KCTD8: variants seen among roughly 807,000 people sequenced by gnomAD.
KCTD8 encodes potassium channel tetramerization domain containing 8, also known as BTB/POZ domain-containing protein KCTD8.
In KCTD8, 27 loss-of-function variants were observed where a neutral mutation model predicts 31.5. The ratio of observed to expected loss-of-function variants is 0.86; its 90% CI spans 0.63 to 1.18. The LOEUF is 1.18. Ranked by LOEUF, KCTD8 falls within the 50% of genes most tolerant of loss-of-function variation. The pLI is 0.00. For missense variants in KCTD8, 658 were observed against 647.7 expected, an observed-to-expected ratio of 1.02 and a Z score of -0.17; for synonymous variants, 290 against 280.0, an observed-to-expected ratio of 1.04 and a Z score of -0.36.
At chr4:44,439,988 A>G (rs2109483696) in intron 1 of KCTD8, among the ~76,000 whole-genome samples, 1 of 151,756 alleles carries the variant, frequency 6.6e-6, no homozygotes, top group South Asian at 2.1e-4. Context: ...CTGGAGTGCA[A>G]CGGTGGGATC....
intron 1 of KCTD8, among the ~76,000 whole-genome samples, chr4:44,366,785 T>C (rs547512241): frequency 2.0e-5 from 3 of 152,156 alleles, no homozygotes; most frequent in African/African-American, 7.2e-5. Flanking sequence ...TTCCTCTTAC[T>C]ACCCTTCTGT....
At chr4:44,261,845 A>C (rs1038122067) in intron 1 of KCTD8, among the ~76,000 whole-genome samples, 1 of 152,064 alleles carries the variant, frequency 6.6e-6, no homozygotes, top group Non-Finnish European at 1.5e-5. Flanking sequence ...ATTGATTTGA[A>C]TGTGGTGACC....
intron 1 of KCTD8, among the ~76,000 whole-genome samples, chr4:44,380,454 C>T (rs1434739902): frequency 1.3e-5 from 2 of 150,848 alleles, no homozygotes; most frequent in Non-Finnish European, 3.0e-5. Flanking sequence ...AAAGGTTAAG[C>T]CCAAAGTAGG....
intron 1 of KCTD8, among the ~76,000 whole-genome samples, chr4:44,251,134 C>T (rs2109361404): frequency 6.6e-6 from 1 of 151,806 alleles, no homozygotes; most frequent in South Asian, 2.1e-4. Context: ...GCAACACTTA[C>T]TAGTCTTCCT....
At chr4:44,300,901 G>A (rs1372448817) in intron 1 of KCTD8, among the ~76,000 whole-genome samples, 13 of 128,106 alleles carry the variant, frequency 1.0e-4, no homozygotes, top group Non-Finnish European at 1.1e-4. Context: ...AGAGTGTGAT[G>A]TTCCCCTTCC....
At chr4:44,224,563 C>T (rs1213430844) in intron 1 of KCTD8, among the ~76,000 whole-genome samples, 1 of 152,038 alleles carries the variant, frequency 6.6e-6, no homozygotes, top group South Asian at 2.1e-4. Flanking sequence ...TAATTTCTCA[C>T]CTCAATGCCT....
At chr4:44,240,450 T>G (rs1715424138) in intron 1 of KCTD8, among the ~76,000 whole-genome samples, 2 of 152,208 alleles carry the variant, frequency 1.3e-5, no homozygotes, top group Non-Finnish European at 2.9e-5. Context: ...AATGTACATC[T>G]TTAATTCCAC....
chr4:44,264,681 C>T (rs973705020), intron 1 of KCTD8, among the ~76,000 whole-genome samples: 1 of 152,180 alleles, frequency 6.6e-6, no homozygotes, highest in African/African-American at 2.4e-5. Flanking sequence ...TCACTCCCCC[C>T]CGAATACTGC....
intron 1 of KCTD8, among the ~76,000 whole-genome samples, chr4:44,202,416 G>A (rs1237950540): frequency 6.6e-6 from 1 of 152,072 alleles, no homozygotes; most frequent in African/African-American, 2.4e-5. Context: ...TAAATAAGTA[G>A]TACATATACA....
intron 1 of KCTD8, among the ~76,000 whole-genome samples, chr4:44,224,678 CAGAT>C (rs1714901664): frequency 6.6e-6 from 1 of 152,192 alleles, no homozygotes; most frequent in Non-Finnish European, 1.5e-5. Flanking sequence ...GCTTCTAAAA[CAGAT>C]AATCTCTAAA....
chr4:44,191,396 ACAAGGGAAGATAAC>A (rs964086264), intron 1 of KCTD8, among the ~76,000 whole-genome samples: 1 of 152,198 alleles, frequency 6.6e-6, no homozygotes, highest in Non-Finnish European at 1.5e-5. Context: ...ATTTTAAGGA[ACAAGGGAAGATAAC>A]CATAAGGTCT....
At chr4:44,211,401 GT>G (rs1033466980) in intron 1 of KCTD8, among the ~76,000 whole-genome samples, 5 of 151,972 alleles carry the variant, frequency 3.3e-5, no homozygotes, top group African/African-American at 7.2e-5. Context: ...TCTGGTCTGG[GT>G]TTTTTTGTAT....
chr4:44,349,639 C>G (rs1237619199), intron 1 of KCTD8, among the ~76,000 whole-genome samples: 1 of 152,144 alleles, frequency 6.6e-6, no homozygotes, highest in Non-Finnish European at 1.5e-5. Context: ...GGTGCATTTC[C>G]ATGACTGCCA....
intron 1 of KCTD8, among the ~76,000 whole-genome samples, chr4:44,329,880 T>C (rs1340205941): frequency 6.6e-6 from 1 of 151,924 alleles, no homozygotes; most frequent in Non-Finnish European, 1.5e-5. Flanking sequence ...ATTTTAGCTA[T>C]AGTAGACAAC....
intron 1 of KCTD8, among the ~76,000 whole-genome samples, chr4:44,228,609 AT>A (rs1253915976): frequency 6.6e-6 from 1 of 152,134 alleles, no homozygotes; most frequent in African/African-American, 2.4e-5. Context: ...TGCTCTTTGC[AT>A]CTCTGGCTTT....
chr4:44,198,387 A>C (rs1216427328), intron 1 of KCTD8, among the ~76,000 whole-genome samples: 1 of 152,196 alleles, frequency 6.6e-6, no homozygotes, highest in Non-Finnish European at 1.5e-5. Context: ...AAAGAAAAAA[A>C]TTCTTAAAGG....
At chr4:44,241,273 T>G (rs2109357122) in intron 1 of KCTD8, among the ~76,000 whole-genome samples, 1 of 152,368 alleles carries the variant, frequency 6.6e-6, no homozygotes, top group South Asian at 2.1e-4. Flanking sequence ...ATCTTGTGAA[T>G]ATTACAATTG....
intron 1 of KCTD8, among the ~76,000 whole-genome samples, chr4:44,330,844 A>G (rs1184583258): frequency 1.3e-5 from 2 of 151,972 alleles, no homozygotes; most frequent in African/African-American, 4.8e-5. Context: ...TGTGTCCATC[A>G]GGATGATTCA....
At chr4:44,358,364 C>T (rs1719400945) in intron 1 of KCTD8, among the ~76,000 whole-genome samples, 1 of 152,092 alleles carries the variant, frequency 6.6e-6, no homozygotes, top group Admixed American at 6.5e-5. Context: ...CATACATGTG[C>T]ATGCGTCTTT....
Sources: gnomAD v4.1 joint callset for allele counts (sites outside exome capture counted in the v4.1 genomes callset) on GRCh38, gnomAD v4.1.1 for gene constraint, MANE v1.5 for transcripts, NCBI Gene and HGNC (gene_info 2026-07-23, HGNC 2026-07-21) for gene names.